ANO2: variants seen among roughly 807,000 people sequenced by gnomAD.
ANO2 encodes the protein anoctamin 2.
ANO2 carries 101 observed loss-of-function variants against 124.2 expected under a neutral mutation model. That is an observed-to-expected ratio of 0.81 (90% CI 0.69 to 0.96). The LOEUF (loss-of-function observed/expected upper bound fraction) is 0.96, where lower values mean the gene tolerates loss of function less well. Ranked by LOEUF, ANO2 falls within the 40% of genes least tolerant of loss-of-function variation. The pLI is 0.00. For missense variants in ANO2, 1,293 were observed against 1,274.5 expected (o/e 1.01, Z -0.22); for synonymous variants, 486 against 482.5 (o/e 1.01, Z -0.09).
intron 14 of ANO2, among the ~76,000 whole-genome samples, chr12:5,712,764 T>C (rs922799956): frequency 6.6e-6 from 1 of 152,040 alleles, no homozygotes; most frequent in Admixed American, 6.6e-5. Flanking sequence ...AGGAGTGTGC[T>C]GGATAGAGAG....
Position 5,921,229 on chromosome 12 carries a change from G to C in ANO2, c.345C>G (p.Ala115=). The C allele has an allele frequency of 6.2e-7, 1 of 1,613,930 alleles. No homozygotes were observed. The stretch of plus-strand genomic sequence containing the variant: ...CCAGCGAGTGGCCAGGGAAGCCTTG[G>C]GCCAGGTGCACCCCGCGTTTCCGGT... ...YHYRKRGVHL[A]QGFPGHSLAI... is the part of the protein sequence containing the mutation. Residue 115 remains alanine (A), a synonymous_variant, in exon 3 of 25, where the codon GCC becomes GCG. Transcript: ENST00000682330.
chr12:5,840,874 T>G (rs572737615), intron 4 of ANO2, among the ~76,000 whole-genome samples: 1 of 152,324 alleles, frequency 6.6e-6, no homozygotes, highest in South Asian at 2.1e-4. Context: ...TTATGGTATC[T>G]CACTCATCTT....
chr12:5,566,419 A>C (rs1941765103), intron 23 of ANO2, among the ~76,000 whole-genome samples: 1 of 152,164 alleles, frequency 6.6e-6, no homozygotes. Flanking sequence ...CCCATCCCAG[A>C]ATGATTCATG....
intron 14 of ANO2, among the ~76,000 whole-genome samples, chr12:5,682,267 T>C (rs535626538): frequency 2.6e-5 from 4 of 152,348 alleles, no homozygotes; most frequent in Admixed American, 2.0e-4. Flanking sequence ...GCATTTCTAC[T>C]AGATTGAATT....
intron 16 of ANO2, among the ~76,000 whole-genome samples, chr12:5,618,430 C>T (rs1427545789): frequency 6.6e-6 from 1 of 152,176 alleles, no homozygotes; most frequent in Admixed American, 6.5e-5. Flanking sequence ...CATTATCTCA[C>T]TTAATCCTCA....
intron 19 of ANO2, among the ~76,000 whole-genome samples, chr12:5,610,390 T>C (rs1425004832): frequency 1.9e-5 from 2 of 104,472 alleles, no homozygotes; most frequent in Non-Finnish European, 3.5e-5. Context: ...TAAATGCATA[T>C]ATTTATACAT....
chr12:5,851,880 C>T lies in ANO2; in HGVS notation c.633+2163G>A, dbSNP rs1240816675. On this transcript the variant is annotated intron_variant, in intron 4 of 24. Coordinates refer to ENST00000682330, the MANE Select transcript of ANO2 (RefSeq NM_001364791.2). ...GAGGTTGAAAAAGGACACACTTTTC[C>T]TGTGTCTCTAGGTTTCCCCTAAAAG... The T allele has an allele frequency of 7.0e-6, 5 of 710,576 alleles. No homozygotes were observed. In the African/African-American group the frequency reaches 8.7e-5, roughly 12 times the overall value. The allele number at this position is 710,576 out of a possible 1,614,324, so 44.0% of individuals were successfully genotyped here. A position where few individuals can be genotyped will look rare whatever the true frequency, so the allele number is the denominator to read the frequency against.
intron 19 of ANO2, among the ~76,000 whole-genome samples, chr12:5,603,889 G>A (rs1164874315): frequency 7.0e-6 from 1 of 142,896 alleles, no homozygotes. Context: ...AGGTTGCAGT[G>A]AGCTGAGATA....
intron 14 of ANO2, among the ~76,000 whole-genome samples, chr12:5,669,809 T>A (rs948591522): frequency 1.3e-5 from 2 of 152,232 alleles, no homozygotes; most frequent in Non-Finnish European, 1.5e-5. Flanking sequence ...CTATGTCATG[T>A]GACTCAGTGC....
At chr12:5,738,103 C>T (rs552208270) in intron 13 of ANO2, among the ~76,000 whole-genome samples, 10 of 152,212 alleles carry the variant, frequency 6.6e-5, no homozygotes, top group African/African-American at 9.6e-5. Flanking sequence ...CACTTTCAGG[C>T]AGCACACCCT....
chr12:5,850,415 CAAA>C lies in ANO2; in HGVS notation c.633+3625_633+3627del, dbSNP rs11307572. On this transcript the variant is annotated intron_variant, in intron 4 of 24. Coordinates refer to ENST00000682330, the MANE Select transcript of ANO2 (RefSeq NM_001364791.2). ...TGGGTGACAGAGGGACACTCCATCT[CAAA>C]AAAAAAAAAAAAAAAGAAAGAAAGA... 4.0e-4 allele frequency among the ~76,000 whole-genome samples: 40 copies of C among 100,172 alleles called. No homozygotes were observed. The East Asian group carries it at 7.3e-3, about 18-fold the overall frequency. 65.7% of individuals were successfully genotyped at this position (100,172 alleles called of 152,430 possible).
chr12:5,924,528 C>A (rs1448070125), intron 1 of ANO2, among the ~76,000 whole-genome samples: 2 of 152,190 alleles, frequency 1.3e-5, no homozygotes, highest in Non-Finnish European at 2.9e-5. Flanking sequence ...CAGGCGTGGG[C>A]ACACCTTGTG....
rs138400040 is a variant in ANO2, at chr12:5,589,766, A to C, written c.2233+9718T>G. On this transcript the variant is annotated intron_variant, in intron 20 of 24. Transcript: ENST00000682330. ...TTTGGATGCACGCATGAGAAGGCGC[A>C]GGCAAGCCCAGGGCCGGGAGAGCAC... 7.2e-3 allele frequency among the ~76,000 whole-genome samples: 1,099 copies of C among 152,286 alleles called. 15 individuals carry two copies. The highest frequency in any genetic ancestry group is 0.024 in the African/African-American group (981 of 41,558).
chr12:5,897,638 A>C (rs1245809588), intron 3 of ANO2, among the ~76,000 whole-genome samples: 2 of 152,194 alleles, frequency 1.3e-5, no homozygotes, highest in Non-Finnish European at 2.9e-5. Context: ...CAGCAGAGCA[A>C]TGAGGAAGAA....
chr12:5,640,641 T>G (rs4930774), intron 15 of ANO2, among the ~76,000 whole-genome samples: 1 of 152,102 alleles, frequency 6.6e-6, no homozygotes, highest in Non-Finnish European at 1.5e-5. Flanking sequence ...TCATCACTGG[T>G]CATCAGAGAA....
rs112660984 is a variant in ANO2 at position 5,571,258 on chromosome 12, C to T, written c.2621+4576G>A. ...CCTACATCCGTCCTCCAGGACGTGG[C>T]GGCCCTTCGACCCTGTCAAATGCTG... is the stretch of plus-strand genomic sequence containing the variant. On this transcript the variant is annotated intron_variant, in intron 23 of 24. Coordinates refer to ENST00000682330, the MANE Select transcript of ANO2 (RefSeq NM_001364791.2). Among the ~76,000 whole-genome samples, 474 of 152,296 alleles carry T rather than the reference C, an allele frequency of 3.1e-3. 5 individuals carry two copies. The highest frequency in any genetic ancestry group is 0.011 in the African/African-American group (460 of 41,562).
intron 14 of ANO2, among the ~76,000 whole-genome samples, chr12:5,688,810 CTTTTT>C (rs36091783): frequency 8.4e-6 from 1 of 119,376 alleles, no homozygotes; most frequent in Non-Finnish European, 1.7e-5. Flanking sequence ...TGGGAGTATC[CTTTTT>C]TTTTTTTTTT....
Position 5,697,585 on chromosome 12 carries a change from T to C in ANO2, c.1545+34935A>G, listed in dbSNP as rs576298341. On this transcript the variant is annotated intron_variant, in intron 14 of 24. Transcript: ENST00000682330. ...AACTGAGGTACCGGGTTCATCTCAC[T>C]GGGGCTTGTCAGACAGTGGGTGCAG... Among the ~76,000 whole-genome samples, 9 of 152,320 alleles carry C rather than the reference T, an allele frequency of 5.9e-5. No individual in the cohort carries two copies. The East Asian group carries it at 1.7e-3, about 29-fold the overall frequency.
In ANO2 at chr12:5,636,317, T is replaced by C. The variant is rs990125543; in HGVS notation, c.1621-970A>G. ...ATTTCCAGGAAGCACAAGGATGCTATGAGAAGCAAGTGCCCTGAGTAAAGC... is the reference window on the plus strand; with the variant it reads ...ATTTCCAGGAAGCACAAGGATGCTACGAGAAGCAAGTGCCCTGAGTAAAGC... On this transcript the variant is annotated intron_variant, in intron 15 of 24. Transcript: ENST00000682330. The surrounding 1 kb of genome is among the most constrained non-coding windows in gnomAD (Gnocchi z 4.6). Among the ~76,000 whole-genome samples the C allele has an allele frequency of 2.0e-5, 3 of 152,026 alleles. No individual in the cohort carries two copies. Among genetic ancestry groups the C allele is most frequent in the Non-Finnish European group, 4.4e-5 (3 of 68,000 alleles).
Sources: allele counts gnomAD v4.1 joint callset (sites outside exome capture counted in the v4.1 genomes callset), GRCh38; gene constraint gnomAD v4.1.1; non-coding constraint Gnocchi (gnomAD v3.1); transcripts MANE v1.5; gene names NCBI Gene and HGNC (gene_info 2026-07-23, HGNC 2026-07-21).